Variants in HSPBP1 observed in about 807,000 individuals in gnomAD.
HSPBP1 encodes HSPA (Hsp70) binding protein 1.
In HSPBP1, 31 loss-of-function variants were observed where a neutral mutation model predicts 41.7. That is an observed-to-expected ratio of 0.74 (90% CI 0.56 to 1.00). The LOEUF is 1.00. Ranked by LOEUF, HSPBP1 falls within the 50% of genes least tolerant of loss-of-function variation. The pLI, the probability that HSPBP1 is intolerant of heterozygous loss-of-function variation, is 0.00. For synonymous variants in HSPBP1, 199 were observed against 214.4 expected (o/e 0.93, Z 0.63); for missense variants, 439 against 487.9 (o/e 0.90, Z 0.94).
chr19:55,265,799 T>G, intron 6 of HSPBP1, 87 bp downstream of exon 6: 1 of 829,254 alleles, frequency 1.2e-6, no homozygotes, highest in East Asian at 2.7e-5. Flanking sequence ...AACTCCTGAG[T>G]CCCTACGGGC....
chr19:55,265,958 A>G lies in HSPBP1; in HGVS notation c.821T>C (p.Val274Ala). The G allele has an allele frequency of 1.2e-6, 2 of 1,605,472 alleles. No individual in the cohort carries two copies. The highest frequency in any genetic ancestry group is 1.1e-5 in the South Asian group (1 of 89,474). The change falls in exon 6 of 8, where the codon GTC (valine) becomes GCC (alanine). Residue 274 changes from valine (V) to alanine (A), a missense_variant. Coordinates refer to ENST00000433386, the MANE Select transcript of HSPBP1 (RefSeq NM_012267.5). Reference protein sequence around the residue: ...HKGTLCSMGMVQQLVALVRTE... With the variant: ...HKGTLCSMGMAQQLVALVRTE... Reference sequence around the variant, plus strand: ...CCGCACCAGGGCCACCAGCTGCTGGACCATCCCCATGGAGCACAGGGTCCC... The same window carrying G: ...CCGCACCAGGGCCACCAGCTGCTGGGCCATCCCCATGGAGCACAGGGTCCC...
chr19:55,262,790 C>T, intron 7 of HSPBP1, 108 bp from the exon 8 acceptor site: 1 of 905,506 alleles, frequency 1.1e-6, no homozygotes, highest in Non-Finnish European at 1.7e-6. Flanking sequence ...TGGCCACCAC[C>T]CACTCCCCCC....
chr19:55,267,801 C>G (rs1400491711), intron 4 of HSPBP1, among the ~76,000 whole-genome samples: 1 of 152,228 alleles, frequency 6.6e-6, no homozygotes, highest in Non-Finnish European at 1.5e-5. Context: ...GAAGTGTGTG[C>G]TTTCAGAATT....
chr19:55,270,171 C>T lies in HSPBP1; in HGVS notation c.641-3885G>A, dbSNP rs540044798. Among the ~76,000 whole-genome samples the T allele has an allele frequency of 5.3e-5, 8 of 152,278 alleles. No homozygotes were observed. In the South Asian group the frequency reaches 1.2e-3, roughly 24 times the overall value. On this transcript the variant is annotated intron_variant, in intron 4 of 7. Transcript: ENST00000433386. The surrounding 1 kb of genome is among the most constrained non-coding windows in gnomAD (Gnocchi z 5.4). ...AACATTTTCATGTGAATTTTACCCC[C>T]GAGCAAAAAAAAGAATGGCATCCAA...
chr19:55,274,356 C>A (rs544117645), intron 4 of HSPBP1, 42 bp downstream of exon 4: 83 of 668,548 alleles, frequency 1.2e-4, no homozygotes, highest in African/African-American at 1.1e-3. Flanking sequence ...CACCCCCCCC[C>A]ACCGCCAGCA....
rs1016257738 is a variant in HSPBP1, at chr19:55,279,472, T to C, written c.137A>G (p.Gln46Arg). ...GGTGATGGCCATCTGCAGCAAGCCT[T>C]GGAGGTTGCGTGGGGGCCGGGAATT... ...SGNSRPPRNL[Q>R]GLLQMAITAG... The change falls in exon 2 of 8, where the codon CAA becomes CGA. Residue 46 changes from glutamine to arginine, a missense_variant. Transcript: ENST00000433386. The C allele has an allele frequency of 1.9e-6, 3 of 1,607,426 alleles. No individual in the cohort carries two copies. The highest frequency in any genetic ancestry group is 2.5e-6 in the Non-Finnish European group (3 of 1,178,662).
At chr19:55,276,688 G>A (rs1233564405) in intron 3 of HSPBP1, among the ~76,000 whole-genome samples, 3 of 152,048 alleles carry the variant, frequency 2.0e-5, no homozygotes, top group Non-Finnish European at 2.9e-5. Context: ...GCCATCCTGC[G>A]GATTGGAGCA....
At position 55,262,416 on chromosome 19, in the gene HSPBP1, G is replaced by A; in HGVS notation, c.*192C>T. 1 of 1,411,526 alleles carries A rather than the reference G, an allele frequency of 7.1e-7. No individual in the cohort carries two copies. The highest frequency in any genetic ancestry group is 9.2e-7 in the Non-Finnish European group (1 of 1,084,340). The allele number at this position is 1,411,526 out of a possible 1,614,324, so 87.4% of individuals were successfully genotyped here. On this transcript the variant is annotated 3_prime_UTR_variant, in exon 8 of 8. Coordinates refer to ENST00000433386, the MANE Select transcript of HSPBP1 (RefSeq NM_012267.5). The stretch of plus-strand genomic sequence containing the variant: ...CAAGAGAACGGGGATGAGAGTGAGA[G>A]CATGGGAGGTGGGGTCCAAGGAGCT...
At chr19:55,265,127 T>A in intron 7 of HSPBP1, 151 bp downstream of exon 7, 1 of 450,848 alleles carries the variant, frequency 2.2e-6, no homozygotes. Context: ...CCTCCCCGTG[T>A]ACCTGGTCCT....
Position 55,265,273 on chromosome 19 carries a change from T to C in HSPBP1, c.1005+5A>G, listed in dbSNP as rs372591653. On this transcript the variant is annotated splice_donor_5th_base_variant and intron_variant, in intron 7 of 7. Coordinates refer to ENST00000433386, the MANE Select transcript of HSPBP1 (RefSeq NM_012267.5). ...CTCCTTGCACCCCGTCCCCTCCCCA[T>C]GTACCTGGTACTCCTCATGCTGCTG... 3.3e-5 allele frequency: 48 copies of C among 1,471,222 alleles called. No homozygotes were observed. The highest frequency in any genetic ancestry group is 3.7e-4 in the Middle Eastern group (2 of 5,370). 91.1% of individuals were successfully genotyped at this position (1,471,222 alleles called of 1,614,324 possible). A position where few individuals can be genotyped will look rare whatever the true frequency, so the allele number is the denominator to read the frequency against.
At chr19:55,266,689 C>T (rs2087799703) in intron 4 of HSPBP1, among the ~76,000 whole-genome samples, 1 of 152,032 alleles carries the variant, frequency 6.6e-6, no homozygotes, top group South Asian at 2.1e-4. Context: ...TCATCCCTTG[C>T]CATGGGCCTG....
intron 4 of HSPBP1, among the ~76,000 whole-genome samples, chr19:55,269,580 A>T (rs988005338): frequency 5.9e-5 from 9 of 152,298 alleles, no homozygotes; most frequent in Non-Finnish European, 8.8e-5. Flanking sequence ...AAGAAAAGAC[A>T]TGGAAGAACC....
rs1394694103 is a variant in HSPBP1, at chr19:55,268,615, T to C, written c.641-2329A>G. 1.3e-5 allele frequency among the ~76,000 whole-genome samples: 2 copies of C among 152,198 alleles called. No individual in the cohort carries two copies. The highest frequency in any genetic ancestry group is 6.5e-5 in the Admixed American group (1 of 15,268). ...TGTCTCATTAATAGTCCATATTAAT[T>C]ACACATTGAAATTATAATAGTTTGG... On this transcript the variant is annotated intron_variant, in intron 4 of 7. Transcript: ENST00000433386. The surrounding 1 kb of genome is among the most constrained non-coding windows in gnomAD (Gnocchi z 4.5).
At chr19:55,263,163 G>A (rs1403408941) in intron 7 of HSPBP1, among the ~76,000 whole-genome samples, 1 of 152,146 alleles carries the variant, frequency 6.6e-6, no homozygotes, top group African/African-American at 2.4e-5. Context: ...AAAGTCATTC[G>A]CAAAAACCAT....
At chr19:55,277,338 G>C (rs776936785) in intron 3 of HSPBP1, among the ~76,000 whole-genome samples, 2 of 152,158 alleles carry the variant, frequency 1.3e-5, no homozygotes, top group Non-Finnish European at 2.9e-5. Flanking sequence ...ACGTCACCCC[G>C]GGGAGGCCTT....
chr19:55,274,347 A>ACCCCCCCC lies in HSPBP1; in HGVS notation c.640+43_640+50dup, dbSNP rs11427517. On this transcript the variant is annotated intron_variant, in intron 4 of 7. Coordinates refer to ENST00000433386, the MANE Select transcript of HSPBP1 (RefSeq NM_012267.5). ...AGCAGATCCCGGGGGCCCACCCGGC[A>ACCCCCCCC]CCCCCCCCCACCGCCAGCACCCCTG... 9.9e-4 allele frequency: 326 copies of ACCCCCCCC among 327,900 alleles called. 7 individuals are homozygous for ACCCCCCCC. The highest frequency in any genetic ancestry group is 2.0e-3 in the Admixed American group (43 of 22,024). The allele number at this position is 327,900 out of a possible 1,614,324, so 20.3% of individuals were successfully genotyped here.
chr19:55,269,786 C>T (rs2087874103), intron 4 of HSPBP1, among the ~76,000 whole-genome samples: 1 of 152,186 alleles, frequency 6.6e-6, no homozygotes. Flanking sequence ...GGATCCATGT[C>T]ATGATACAGT....
At position 55,274,353 on chromosome 19, in the gene HSPBP1, C is replaced by CA. The variant is rs751548987; in HGVS notation, c.640+44_640+45insT. On this transcript the variant is annotated intron_variant, in intron 4 of 7. Coordinates refer to ENST00000433386, the MANE Select transcript of HSPBP1 (RefSeq NM_012267.5). ...TCCCGGGGGCCCACCCGGCACCCCC[C>CA]CCCACCGCCAGCACCCCTGTCCCCA... The CA allele has an allele frequency of 5.2e-5, 31 of 600,778 alleles. No homozygotes were observed. The East Asian group carries it at 5.8e-4, about 11-fold the overall frequency. 37.2% of individuals were successfully genotyped at this position (600,778 alleles called of 1,614,324 possible).
At position 55,270,517 on chromosome 19, in the gene HSPBP1, G is replaced by A. The variant is rs1342027933; in HGVS notation, c.640+3881C>T. ...AAGCCAGAAGCCGCCCTCCTCAGCAGGGGCCACTGCTGCATTCCTCACCCG... is the reference window on the plus strand; with the variant it reads ...AAGCCAGAAGCCGCCCTCCTCAGCAAGGGCCACTGCTGCATTCCTCACCCG... On this transcript the variant is annotated intron_variant, in intron 4 of 7. Coordinates refer to ENST00000433386, the MANE Select transcript of HSPBP1 (RefSeq NM_012267.5). This position sits in a 1 kb window ranked among gnomAD's most constrained non-coding sequence, Gnocchi z 5.4. Among the ~76,000 whole-genome samples, 1 of 152,148 alleles carries A rather than the reference G, an allele frequency of 6.6e-6. No homozygotes were observed. Among genetic ancestry groups the A allele is most frequent in the African/African-American group, 2.4e-5 (1 of 41,426 alleles).
Sources: gnomAD v4.1 joint callset for allele counts (sites outside exome capture counted in the v4.1 genomes callset) on GRCh38, gnomAD v4.1.1 for gene constraint, Gnocchi (gnomAD v3.1) non-coding constraint, MANE v1.5 for transcripts, NCBI Gene and HGNC (gene_info 2026-07-23, HGNC 2026-07-21) for gene names.